Variants in PAPPA observed in about 807,000 individuals in gnomAD.
PAPPA encodes the protein pappalysin 1, also known as pappalysin-1.
PAPPA carries 60 observed loss-of-function variants against 164.0 expected under a neutral mutation model. The observed-to-expected ratio is 0.37, with a 90% CI of 0.30 to 0.45. PAPPA has a LOEUF of 0.45. PAPPA is among the 20% of genes least tolerant of loss of function. The pLI, the probability that PAPPA is intolerant of heterozygous loss-of-function variation, is 1.00. For synonymous variants in PAPPA, 875 were observed against 814.1 expected (o/e 1.07, Z -1.27); for missense variants, 1,782 against 2,087.3 (o/e 0.85, Z 2.85).
At chr9:116,282,614 A>C (rs1028407427) in intron 9 of PAPPA, among the ~76,000 whole-genome samples, 71 of 152,240 alleles carry the variant, frequency 4.7e-4, no homozygotes, top group Non-Finnish European at 2.1e-4. Flanking sequence ...GGAGGCACAG[A>C]GATGTTACGT....
In PAPPA at chr9:116,154,290, C is replaced by G; in HGVS notation, c.118C>G (p.Pro40Ala). 1.0e-6 allele frequency: 1 copy of G among 973,466 alleles called. No individual in the cohort carries two copies. Among genetic ancestry groups the G allele is most frequent in the Non-Finnish European group, 1.2e-6 (1 of 819,544 alleles). The allele number at this position is 973,466 out of a possible 1,614,324, so 60.3% of individuals were successfully genotyped here. A position where few individuals can be genotyped will look rare whatever the true frequency, so the allele number is the denominator to read the frequency against. Residue 40 changes from proline (P) to alanine (A), a missense_variant, in exon 1 of 22, where the codon CCC becomes GCC. Transcript: ENST00000328252. The surrounding 1 kb of genome is among the most constrained non-coding windows in gnomAD (Gnocchi z 5.2). ...RDPRAGRPPRPAAGPATCATR... is the reference protein window; with the variant it reads ...RDPRAGRPPRAAAGPATCATR... ...CCCGCGGGCCGGCCGACCCCCGCGCCCCGCCGCCGGCCCGGCCACCTGCGC... is the reference window on the plus strand; with the variant it reads ...CCCGCGGGCCGGCCGACCCCCGCGCGCCGCCGCCGGCCCGGCCACCTGCGC...
chr9:116,392,515 C>T (rs931827886), intron 21 of PAPPA, among the ~76,000 whole-genome samples: 1 of 151,746 alleles, frequency 6.6e-6, no homozygotes, highest in Non-Finnish European at 1.5e-5. Flanking sequence ...TTTGGAATCA[C>T]TAGTGTGTGT....
At chr9:116,320,422 C>T (rs1845839658) in intron 10 of PAPPA, among the ~76,000 whole-genome samples, 2 of 152,214 alleles carry the variant, frequency 1.3e-5, no homozygotes, top group Admixed American at 1.3e-4. Context: ...TGGGTAGAGG[C>T]TCTGAGATCT....
At chr9:116,304,247 C>A (rs112151334) in intron 10 of PAPPA, among the ~76,000 whole-genome samples, 2 of 152,332 alleles carry the variant, frequency 1.3e-5, no homozygotes, top group Admixed American at 6.5e-5. Flanking sequence ...CATCTTTGTC[C>A]TCTCATGTTC....
At chr9:116,247,290 A>G (rs1844808159) in intron 7 of PAPPA, among the ~76,000 whole-genome samples, 1 of 152,188 alleles carries the variant, frequency 6.6e-6, no homozygotes, top group Non-Finnish European at 1.5e-5. Flanking sequence ...TCTATTCAGG[A>G]GGTCTTGTTC....
intron 17 of PAPPA, among the ~76,000 whole-genome samples, chr9:116,356,318 G>A (rs1243421613): frequency 6.6e-6 from 1 of 152,138 alleles, no homozygotes; most frequent in African/African-American, 2.4e-5. Flanking sequence ...GTTTGTTTGT[G>A]AAGGTTAAAT....
rs984156607 is a variant in PAPPA at position 116,154,378 on chromosome 9, G to A, written c.206G>A (p.Trp69Ter). Residue 69 changes from tryptophan (W) to a stop codon, truncating the protein, a stop_gained, in exon 1 of 22, where the codon TGG (tryptophan) becomes TAG (stop). Transcript: ENST00000328252. LOFTEE classifies it high-confidence loss of function. This position sits in a 1 kb window ranked among gnomAD's most constrained non-coding sequence, Gnocchi z 5.2. ...PPPPPPPGGA[W>*]EAVRVPRRRQ... ...CCGCCGCCGCCGCCGGGCGGTGCCT[G>A]GGAAGCCGTGCGCGTCCCCCGGCGG... The A allele has an allele frequency of 9.5e-7, 1 of 1,055,760 alleles. No homozygotes were observed. The highest frequency in any genetic ancestry group is 1.2e-6 in the Non-Finnish European group (1 of 837,412). 65.4% of individuals were successfully genotyped at this position (1,055,760 alleles called of 1,614,324 possible).
intron 7 of PAPPA, among the ~76,000 whole-genome samples, chr9:116,256,971 A>G (rs1055767622): frequency 3.3e-5 from 5 of 151,904 alleles, no homozygotes; most frequent in African/African-American, 1.2e-4. Flanking sequence ...ACAAATTTAA[A>G]CAAATATCAA....
In PAPPA at chr9:116,382,483, A is replaced by G; in HGVS notation, c.4766A>G (p.Lys1589Arg). ...GGGGATTGCTGCACCTCCACAGTGA[A>G]GACCAAAAAGGTAGGCCAGTGTGCA... The part of the protein sequence containing the change: ...DGGDCCTSTV[K>R]TKKVTPFPMS... The change falls in exon 21 of 22, where the codon AAG becomes AGG. Residue 1589 changes from lysine (K) to arginine (R), a missense_variant. Physicochemically the swap from Lys to Arg is conservative, Grantham distance 26. This residue lies in a region of PAPPA where 1,324 missense variants were observed against 1,656.9 expected (regional missense o/e 0.80). Coordinates refer to ENST00000328252, the MANE Select transcript of PAPPA (RefSeq NM_002581.5). 3.7e-6 allele frequency: 6 copies of G among 1,611,124 alleles called. No homozygotes were observed. The highest frequency in any genetic ancestry group is 1.7e-5 in the Admixed American group (1 of 60,018).
intron 10 of PAPPA, among the ~76,000 whole-genome samples, chr9:116,314,364 C>T (rs1212304290): frequency 4.6e-5 from 7 of 151,984 alleles, no homozygotes; most frequent in African/African-American, 7.2e-5. Flanking sequence ...CCACCACACC[C>T]GGTCTCTCCA....
chr9:116,277,381 G>A (rs189789621), intron 9 of PAPPA, among the ~76,000 whole-genome samples: 29 of 152,250 alleles, frequency 1.9e-4, no homozygotes, highest in Middle Eastern at 3.4e-3. Flanking sequence ...AGGTGACGAC[G>A]AGGGTGATAA....
intron 19 of PAPPA, among the ~76,000 whole-genome samples, chr9:116,371,237 T>C (rs1846568967): frequency 6.6e-6 from 1 of 152,030 alleles, no homozygotes; most frequent in South Asian, 2.1e-4. Flanking sequence ...GCCAACATGG[T>C]GAAACCCCGT....
intron 17 of PAPPA, among the ~76,000 whole-genome samples, chr9:116,359,269 T>C (rs566072018): frequency 9.2e-5 from 14 of 152,352 alleles, no homozygotes; most frequent in African/African-American, 3.4e-4. Flanking sequence ...TTTAAAGCAC[T>C]GGGCATGTTA....
At position 116,352,699 on chromosome 9, in the gene PAPPA, C is replaced by A; in HGVS notation, c.3965-7C>A. On this transcript the variant is annotated splice_region_variant and splice_polypyrimidine_tract_variant and intron_variant, in intron 15 of 21. Coordinates refer to ENST00000328252, the MANE Select transcript of PAPPA (RefSeq NM_002581.5). ...CTCCTCTAACCCTGCTTGCCTATGT[C>A]TTCCAGGCAACAACAGCCTCCTGAC... 4.3e-6 allele frequency: 7 copies of A among 1,610,680 alleles called. No homozygotes were observed. The highest frequency in any genetic ancestry group is 5.9e-6 in the Non-Finnish European group (7 of 1,178,392).
At chr9:116,380,226 C>A (rs1030534404) in intron 20 of PAPPA, among the ~76,000 whole-genome samples, 3 of 152,164 alleles carry the variant, frequency 2.0e-5, no homozygotes, top group Non-Finnish European at 2.9e-5. Context: ...CTATTGCATC[C>A]TTTTCCTTAG....
intron 16 of PAPPA, among the ~76,000 whole-genome samples, chr9:116,353,161 C>T (rs1846306302): frequency 6.6e-6 from 1 of 152,170 alleles, no homozygotes. Flanking sequence ...CTTTACTTCT[C>T]TGCACTTCAT....
intron 21 of PAPPA, among the ~76,000 whole-genome samples, chr9:116,391,445 C>T (rs1846892146): frequency 6.6e-6 from 1 of 152,176 alleles, no homozygotes; most frequent in African/African-American, 2.4e-5. Flanking sequence ...GACTGTTGTC[C>T]CTCTCCAACC....
At chr9:116,293,817 T>G (rs1245766184) in intron 9 of PAPPA, among the ~76,000 whole-genome samples, 1 of 152,004 alleles carries the variant, frequency 6.6e-6, no homozygotes, top group Non-Finnish European at 1.5e-5. Context: ...TTCGCCGGCT[T>G]GGTGGCGCAT....
chr9:116,234,877 A>G (rs1844640692), intron 6 of PAPPA, among the ~76,000 whole-genome samples: 1 of 152,182 alleles, frequency 6.6e-6, no homozygotes. Context: ...GAGGAAGGAA[A>G]GTTTGAACAT....
Sources: gnomAD v4.1 joint callset for allele counts (sites outside exome capture counted in the v4.1 genomes callset) on GRCh38, gnomAD v4.1.1 for gene constraint, gnomAD v4.1.1 regional missense constraint, Gnocchi (gnomAD v3.1) non-coding constraint, MANE v1.5 for transcripts, NCBI Gene and HGNC (gene_info 2026-07-23, HGNC 2026-07-21) for gene names.